LRP1B: variants seen among roughly 807,000 people sequenced by gnomAD.
The protein encoded by LRP1B is LDL receptor related protein 1B.
LRP1B carries 217 observed loss-of-function variants against 556.6 expected under a neutral mutation model. That is an observed-to-expected ratio of 0.39 (90% CI 0.35 to 0.44). LRP1B has a LOEUF of 0.44. LRP1B is among the 20% of genes least tolerant of loss of function. The pLI is 1.00. For missense variants in LRP1B, 5,053 were observed against 5,620.8 expected, an observed-to-expected ratio of 0.90 and a Z score of 3.23; for synonymous variants, 2,047 against 1,865.8, an observed-to-expected ratio of 1.10 and a Z score of -2.50.
intron 2 of LRP1B, among the ~76,000 whole-genome samples, chr2:141,573,162 A>T (rs1057346897): frequency 6.6e-6 from 1 of 152,232 alleles, no homozygotes; most frequent in African/African-American, 2.4e-5. Context: ...TTAGTGCCAC[A>T]TGGCACTTAT....
intron 66 of LRP1B, among the ~76,000 whole-genome samples, chr2:140,429,429 CCT>C (rs1199716196): frequency 6.6e-6 from 1 of 151,316 alleles, no homozygotes; most frequent in Non-Finnish European, 1.5e-5. Context: ...TTCATCCCAG[CCT>C]CTCTTCGCTT....
At chr2:140,367,947 G>T (rs1363916421) in intron 71 of LRP1B, among the ~76,000 whole-genome samples, 1 of 151,706 alleles carries the variant, frequency 6.6e-6, no homozygotes, top group African/African-American at 2.4e-5. Context: ...CTCCACATGA[G>T]TGTTGGATAT....
At chr2:141,583,844 A>T (rs1018844419) in intron 2 of LRP1B, among the ~76,000 whole-genome samples, 16 of 151,308 alleles carry the variant, frequency 1.1e-4, no homozygotes, top group African/African-American at 3.9e-4. Flanking sequence ...GGTTCAAGTG[A>T]TTCTCCTGCC....
intron 66 of LRP1B, among the ~76,000 whole-genome samples, chr2:140,387,940 T>C (rs551164053): frequency 6.6e-6 from 1 of 151,640 alleles, no homozygotes; most frequent in African/African-American, 2.4e-5. Flanking sequence ...CTTTCTTTTT[T>C]TTTTTTTTTT....
intron 1 of LRP1B, among the ~76,000 whole-genome samples, chr2:142,045,512 A>C (rs1449494): frequency 0.54 from 82,141 of 151,226 alleles, 22,827 homozygotes; most frequent in East Asian, 0.69. Flanking sequence ...GTTATATAGG[A>C]ATTAGGTGAT....
At chr2:140,849,796 TC>T (rs1692401532) in intron 29 of LRP1B, among the ~76,000 whole-genome samples, 1 of 152,112 alleles carries the variant, frequency 6.6e-6, no homozygotes, top group Non-Finnish European at 1.5e-5. Context: ...CGCCTCGGCC[TC>T]CCAAAGTGCC....
chr2:141,306,381 T>G lies in LRP1B; in HGVS notation c.344-51740A>C, dbSNP rs115469164. On this transcript the variant is annotated intron_variant, in intron 3 of 90. Coordinates refer to ENST00000389484, the MANE Select transcript of LRP1B (RefSeq NM_018557.3). ...TTGGTAGATTGATATATCCAGGAAT[T>G]TATCAATATTCTTTAGGTTTTCCAA... 5.9e-3 allele frequency among the ~76,000 whole-genome samples: 896 copies of G among 152,216 alleles called. 9 individuals are homozygous for G. Among genetic ancestry groups the G allele is most frequent in the African/African-American group, 0.018 (763 of 41,564 alleles).
In LRP1B at chr2:141,188,728, C is replaced by T. The variant is rs868736196; in HGVS notation, c.851-145G>A. ...TGAAAAGAAACTGCAAAGTCTCTTG[C>T]TATGCCAAAATGTGACTTAATAATT... On this transcript the variant is annotated intron_variant, in intron 6 of 90. Transcript: ENST00000389484. 2.2e-5 allele frequency: 14 copies of T among 634,818 alleles called. No homozygotes were observed. The Middle Eastern group carries it at 1.4e-3, about 63-fold the overall frequency. The allele number at this position is 634,818 out of a possible 1,614,324, so 39.3% of individuals were successfully genotyped here. A position where few individuals can be genotyped will look rare whatever the true frequency, so the allele number is the denominator to read the frequency against.
chr2:142,043,374 C>T (rs1868543), intron 1 of LRP1B, among the ~76,000 whole-genome samples: 81,420 of 151,256 alleles, frequency 0.54, 22,574 homozygotes, highest in East Asian at 0.69. Flanking sequence ...TAGATTGTCA[C>T]TGGTTACCTT....
intron 1 of LRP1B, among the ~76,000 whole-genome samples, chr2:142,005,735 A>G (rs150487701): frequency 0.023 from 3,509 of 152,194 alleles, 80 homozygotes; most frequent in South Asian, 0.11. Context: ...AGCTATTTCA[A>G]TATGAAAAGC....
chr2:142,039,715 A>C (rs77699290), intron 1 of LRP1B, among the ~76,000 whole-genome samples: 54 of 151,670 alleles, frequency 3.6e-4, no homozygotes, highest in Non-Finnish European at 7.8e-4. Context: ...TGCTTTTATG[A>C]ATCAGTGTTT....
intron 31 of LRP1B, among the ~76,000 whole-genome samples, chr2:140,833,803 T>C (rs567545333): frequency 6.6e-6 from 1 of 152,258 alleles, no homozygotes; most frequent in Non-Finnish European, 1.5e-5. Flanking sequence ...AGTGTACAAA[T>C]TTTTTACAAA....
At chr2:140,376,780 G>A (rs1683251321) in intron 68 of LRP1B, among the ~76,000 whole-genome samples, 1 of 152,152 alleles carries the variant, frequency 6.6e-6, no homozygotes, top group African/African-American at 2.4e-5. Context: ...TCAGAGAAGG[G>A]AGAATTGTCC....
intron 20 of LRP1B, among the ~76,000 whole-genome samples, chr2:140,948,492 A>T (rs988212099): frequency 5.9e-5 from 9 of 152,240 alleles, no homozygotes; most frequent in African/African-American, 1.7e-4. Context: ...AGCTAGAGGT[A>T]AAGAGAGAAG....
intron 6 of LRP1B, among the ~76,000 whole-genome samples, chr2:141,191,368 A>C (rs1423224856): frequency 1.3e-5 from 2 of 152,002 alleles, no homozygotes; most frequent in Non-Finnish European, 2.9e-5. Context: ...ATCTGAGCCT[A>C]AACTTTCCTC....
chr2:140,946,650 A>G (rs926508990), intron 20 of LRP1B, among the ~76,000 whole-genome samples: 1 of 152,042 alleles, frequency 6.6e-6, no homozygotes, highest in Non-Finnish European at 1.5e-5. Context: ...CAGAACTATC[A>G]TTTGACCCAG....
At chr2:140,922,451 G>A (rs1359173348) in intron 21 of LRP1B, among the ~76,000 whole-genome samples, 2 of 151,796 alleles carry the variant, frequency 1.3e-5, no homozygotes, top group African/African-American at 2.4e-5. Context: ...ATAAGCAATA[G>A]TACAGTAACA....
intron 2 of LRP1B, among the ~76,000 whole-genome samples, chr2:141,765,289 A>C (rs997270932): frequency 4.6e-5 from 7 of 152,230 alleles, no homozygotes; most frequent in African/African-American, 1.7e-4. Context: ...AAAACAATAG[A>C]GCTAAAAGCA....
intron 1 of LRP1B, among the ~76,000 whole-genome samples, chr2:142,125,985 T>A (rs1410019277): frequency 6.6e-6 from 1 of 151,898 alleles, no homozygotes; most frequent in Admixed American, 6.6e-5. Context: ...TAGACATAGA[T>A]ATTTTCTCAT....
Sources: allele counts gnomAD v4.1 joint callset (sites outside exome capture counted in the v4.1 genomes callset), GRCh38; gene constraint gnomAD v4.1.1; transcripts MANE v1.5; gene names NCBI Gene and HGNC (gene_info 2026-07-23, HGNC 2026-07-21).